The following PCDHGA11 variants were observed in gnomAD, a reference collection of about 807,000 sequenced individuals.
PCDHGA11 encodes protocadherin gamma-A11.
PCDHGA11 carries 39 observed loss-of-function variants against 60.4 expected under a neutral mutation model. That is an observed-to-expected ratio of 0.65 (90% CI 0.50 to 0.84). PCDHGA11 has a LOEUF of 0.84. Among genes scored for constraint, PCDHGA11 ranks in the 40% least tolerant of loss-of-function variants. The probability of loss-of-function intolerance (pLI) is 0.00; values close to 1 mark genes in which losing one functional copy is unlikely to be tolerated. For missense variants in PCDHGA11, 1,165 were observed against 1,197.7 expected (o/e 0.97, Z 0.40); for synonymous variants, 533 against 510.3 (o/e 1.04, Z -0.60).
intron 2 of PCDHGA11, among the ~76,000 whole-genome samples, chr5:141,505,172 A>C (rs1336105711): frequency 6.6e-6 from 1 of 152,178 alleles, no homozygotes; most frequent in Non-Finnish European, 1.5e-5. Context: ...AAACAAAAAG[A>C]AAAAAGCATC....
Position 141,447,179 on chromosome 5 carries a change from G to A in PCDHGA11, c.2433+23519G>A, listed in dbSNP as rs558348683. ...GTTTAAGCGGGGTCTTGCTCTTGTC[G>A]CGCAGGCTGGAGTGCAATGGCTTGA... On this transcript the variant is annotated intron_variant, in intron 1 of 3. Transcript: ENST00000398587. 4.6e-4 allele frequency among the ~76,000 whole-genome samples: 70 copies of A among 151,826 alleles called. 1 individual carries two copies. The highest frequency in any genetic ancestry group is 3.9e-4 in the East Asian group (2 of 5,158).
chr5:141,445,075 A>G (rs1251499929), intron 1 of PCDHGA11, among the ~76,000 whole-genome samples: 1 of 152,170 alleles, frequency 6.6e-6, no homozygotes, highest in East Asian at 1.9e-4. Context: ...TTCTCATTAA[A>G]TTGTCCCTAC....
rs2099745754 is a variant in PCDHGA11 at position 141,493,023 on chromosome 5, T to A, written c.2434-1784T>A. Among the ~76,000 whole-genome samples the A allele has an allele frequency of 6.6e-6, 1 of 152,190 alleles. No individual in the cohort carries two copies. The highest frequency in any genetic ancestry group is 2.4e-5 in the African/African-American group (1 of 41,450). On this transcript the variant is annotated intron_variant, in intron 1 of 3. Coordinates refer to ENST00000398587, the MANE Select transcript of PCDHGA11 (RefSeq NM_018914.3). The surrounding 1 kb of genome is among the most constrained non-coding windows in gnomAD (Gnocchi z 4.3). ...CTATAGGCTCTGCCAGATGCCAGGGTGCCCTTATGTGTGAGGAAACTACAA... is the reference window on the plus strand; with the variant it reads ...CTATAGGCTCTGCCAGATGCCAGGGAGCCCTTATGTGTGAGGAAACTACAA...
chr5:141,464,053 T>C (rs111614367), intron 1 of PCDHGA11, among the ~76,000 whole-genome samples: 9,857 of 152,054 alleles, frequency 0.065, 668 homozygotes, highest in African/African-American at 0.17. Flanking sequence ...TCACCTGAGG[T>C]CAGGAGTTCA....
At chr5:141,449,022 A>G (rs2154562454) in intron 1 of PCDHGA11, among the ~76,000 whole-genome samples, 1 of 152,312 alleles carries the variant, frequency 6.6e-6, no homozygotes, top group Admixed American at 6.5e-5. Context: ...GTTGCTTAGC[A>G]TTCCTTTGGA....
chr5:141,490,981 C>T lies in PCDHGA11; in HGVS notation c.2434-3826C>T. 19 of 1,614,096 alleles carry T rather than the reference C, an allele frequency of 1.2e-5. No homozygotes were observed. The highest frequency in any genetic ancestry group is 1.5e-5 in the Non-Finnish European group (18 of 1,180,018). Reference sequence around the variant, plus strand: ...ACACTCAGCCCCCCAGCGTCTCCCTCGCTCTGCTCCTCCTGGCTCCTTGGT... The same window carrying T: ...ACACTCAGCCCCCCAGCGTCTCCCTTGCTCTGCTCCTCCTGGCTCCTTGGT... On this transcript the variant is annotated intron_variant, in intron 1 of 3. Transcript: ENST00000398587. The surrounding 1 kb of genome is among the most constrained non-coding windows in gnomAD (Gnocchi z 5.4).
Position 141,421,498 on chromosome 5 carries a change from A to T in PCDHGA11, c.271A>T (p.Ile91Leu), listed in dbSNP as rs1303740754. 2 of 1,613,952 alleles carry T rather than the reference A, an allele frequency of 1.2e-6. No individual in the cohort carries two copies. The highest frequency in any genetic ancestry group is 1.3e-5 in the African/African-American group (1 of 74,954). ...CGGCAGCTTGATCACGGCAGGCAGG[A>T]TAGACCGGGAGGAGCTCTGTGAGAC... is the stretch of plus-strand genomic sequence containing the variant. ...RSGSLITAGR[I>L]DREELCETVS... Residue 91 changes from isoleucine (I) to leucine (L), a missense_variant, in exon 1 of 4, where the codon ATA becomes TTA. Transcript: ENST00000398587.
Position 141,490,156 on chromosome 5 carries a change from G to T in PCDHGA11, c.2434-4651G>T. On this transcript the variant is annotated intron_variant, in intron 1 of 3. Coordinates refer to ENST00000398587, the MANE Select transcript of PCDHGA11 (RefSeq NM_018914.3). The surrounding 1 kb of genome is among the most constrained non-coding windows in gnomAD (Gnocchi z 5.4). ...TAGCAGTGGGGCAATCCATGTGTTG[G>T]GTCCCATAGACTTTGAGGAGTCACG... is the stretch of plus-strand genomic sequence containing the variant. 3.1e-6 allele frequency: 5 copies of T among 1,614,192 alleles called. No individual in the cohort carries two copies. Among genetic ancestry groups the T allele is most frequent in the Non-Finnish European group, 4.2e-6 (5 of 1,180,034 alleles).
chr5:141,502,955 T>C (rs2099817293), intron 2 of PCDHGA11, among the ~76,000 whole-genome samples: 1 of 149,868 alleles, frequency 6.7e-6, no homozygotes, highest in Non-Finnish European at 1.5e-5. Context: ...GCGATTCTCC[T>C]GCCTCAGCCT....
chr5:141,475,343 G>C (rs1425482944), intron 1 of PCDHGA11, among the ~76,000 whole-genome samples: 3 of 152,178 alleles, frequency 2.0e-5, no homozygotes, highest in Non-Finnish European at 2.9e-5. Context: ...ATGACATCCA[G>C]TTTTAAAAGA....
rs2099730037 is a variant in PCDHGA11 at position 141,491,783 on chromosome 5, A to G, written c.2434-3024A>G. The G allele has an allele frequency of 1.3e-6, 2 of 1,539,618 alleles. No homozygotes were observed. The highest frequency in any genetic ancestry group is 2.2e-5 in the Admixed American group (1 of 46,412). On this transcript the variant is annotated intron_variant, in intron 1 of 3. Transcript: ENST00000398587. The surrounding 1 kb of genome is among the most constrained non-coding windows in gnomAD (Gnocchi z 6.9). ...CGTCCTCATAAGGGATTGAACTTGC[A>G]TCCACTCCTCTCCGGCCGGCTTGGT...
At chr5:141,484,047 TC>T (rs1351554084) in intron 1 of PCDHGA11, among the ~76,000 whole-genome samples, 1 of 151,912 alleles carries the variant, frequency 6.6e-6, no homozygotes, top group African/African-American at 2.4e-5. Context: ...CTCCAAGAGG[TC>T]CCCTGGGGCT....
In PCDHGA11 at chr5:141,489,180, CTGGGTCTACCT is replaced by C. The variant is rs906371381; in HGVS notation, c.2434-5623_2434-5613del. 6.3e-5 allele frequency: 79 copies of C among 1,259,748 alleles called. No individual in the cohort carries two copies. The African/African-American group carries it at 9.3e-4, about 15-fold the overall frequency. 78.0% of individuals were successfully genotyped at this position (1,259,748 alleles called of 1,614,324 possible). ...GACTTCAGCTGCTGCATTCCAAGCCCTGGGTCTACCTTGGAGACAGGACAGCACAGACTTAC... is the reference window on the plus strand; with the variant it reads ...GACTTCAGCTGCTGCATTCCAAGCCCTGGAGACAGGACAGCACAGACTTAC... On this transcript the variant is annotated intron_variant, in intron 1 of 3. Coordinates refer to ENST00000398587, the MANE Select transcript of PCDHGA11 (RefSeq NM_018914.3). This position sits in a 1 kb window ranked among gnomAD's most constrained non-coding sequence, Gnocchi z 4.5.
Position 141,477,952 on chromosome 5 carries a change from A to C in PCDHGA11, c.2434-16855A>C, listed in dbSNP as rs907708638. The C allele has an allele frequency of 1.2e-6, 2 of 1,614,038 alleles. No individual in the cohort carries two copies. Among genetic ancestry groups the C allele is most frequent in the Non-Finnish European group, 1.7e-6 (2 of 1,180,002 alleles). Reference sequence around the variant, plus strand: ...CCTGGCTCTCCTACAGTCTCTTGGGATCCCCTAACCAGAGCCTTTTTGCCA... The same window carrying C: ...CCTGGCTCTCCTACAGTCTCTTGGGCTCCCCTAACCAGAGCCTTTTTGCCA... On this transcript the variant is annotated intron_variant, in intron 1 of 3. Coordinates refer to ENST00000398587, the MANE Select transcript of PCDHGA11 (RefSeq NM_018914.3). This position sits in a 1 kb window ranked among gnomAD's most constrained non-coding sequence, Gnocchi z 4.9.
chr5:141,423,679 C>T lies in PCDHGA11; in HGVS notation c.2433+19C>T. 1.3e-6 allele frequency: 2 copies of T among 1,487,594 alleles called. No individual in the cohort carries two copies. The highest frequency in any genetic ancestry group is 1.3e-5 in the South Asian group (1 of 75,700). The allele number at this position is 1,487,594 out of a possible 1,614,324, so 92.1% of individuals were successfully genotyped here. ...TAATCAGGTGAGATTTATTTCTCTG[C>T]CTCCTAATTGTTGGTGTCTTGGCAC... is the stretch of plus-strand genomic sequence containing the variant. On this transcript the variant is annotated intron_variant, in intron 1 of 3. Transcript: ENST00000398587.
intron 1 of PCDHGA11, among the ~76,000 whole-genome samples, chr5:141,457,926 GGGCTTTTATT>G (rs1398565105): frequency 6.6e-6 from 1 of 151,120 alleles, no homozygotes; most frequent in Non-Finnish European, 1.5e-5. Context: ...TCTCCCCAAG[GGGCTTTTATT>G]GGCTCTGCAT....
chr5:141,428,587 G>C (rs914718913), intron 1 of PCDHGA11: 6 of 226,650 alleles, frequency 2.6e-5, no homozygotes, highest in Non-Finnish European at 5.3e-5. Flanking sequence ...AGTTTCTCTG[G>C]TAGCAAGCTT....
rs2099697431 is a variant in PCDHGA11 at position 141,490,222 on chromosome 5, C to T, written c.2434-4585C>T. The T allele has an allele frequency of 6.2e-7, 1 of 1,614,094 alleles. No homozygotes were observed. Among genetic ancestry groups the T allele is most frequent in the African/African-American group, 1.3e-5 (1 of 74,934 alleles). On this transcript the variant is annotated intron_variant, in intron 1 of 3. Coordinates refer to ENST00000398587, the MANE Select transcript of PCDHGA11 (RefSeq NM_018914.3). This position sits in a 1 kb window ranked among gnomAD's most constrained non-coding sequence, Gnocchi z 5.4. The stretch of plus-strand genomic sequence containing the variant: ...TGCAAGAGCCCGTGACCAGGGACAG[C>T]CTGCCATGGAGGGCCACTGTGTGAT...
chr5:141,446,260 TA>T (rs1207497940), intron 1 of PCDHGA11, among the ~76,000 whole-genome samples: 4 of 152,130 alleles, frequency 2.6e-5, no homozygotes, highest in Non-Finnish European at 4.4e-5. Context: ...GAAATATTAT[TA>T]ACTGAATAAA....
Sources: gnomAD v4.1 joint callset for allele counts (sites outside exome capture counted in the v4.1 genomes callset) on GRCh38, gnomAD v4.1.1 for gene constraint, Gnocchi (gnomAD v3.1) non-coding constraint, MANE v1.5 for transcripts, NCBI Gene and HGNC (gene_info 2026-07-23, HGNC 2026-07-21) for gene names.